Variants in NDUFAF2 observed in about 807,000 individuals in gnomAD.
The protein encoded by NDUFAF2 is NADH:ubiquinone oxidoreductase complex assembly factor 2.
In NDUFAF2, 13 loss-of-function variants were observed where a neutral mutation model predicts 22.8. That is an observed-to-expected ratio of 0.57 (90% confidence interval 0.37 to 0.91). The LOEUF (loss-of-function observed/expected upper bound fraction) is 0.91, where lower values mean the gene tolerates loss of function less well. Ranked by LOEUF, NDUFAF2 falls within the 40% of genes least tolerant of loss-of-function variation. The probability of loss-of-function intolerance (pLI) is 0.01; values close to 1 mark genes in which losing one functional copy is unlikely to be tolerated. For synonymous variants in NDUFAF2, 53 were observed against 64.2 expected, an observed-to-expected ratio of 0.83 and a Z score of 0.84; for missense variants, 162 against 195.2, an observed-to-expected ratio of 0.83 and a Z score of 1.01.
chr5:60,988,358 A>G (rs1272390112), intron 1 of NDUFAF2, among the ~76,000 whole-genome samples: 1 of 152,186 alleles, frequency 6.6e-6, no homozygotes, highest in African/African-American at 2.4e-5. Flanking sequence ...ATACTCCTCA[A>G]CACAATTTGC....
chr5:61,134,641 G>A (rs1184765095), intron 3 of NDUFAF2, among the ~76,000 whole-genome samples: 2 of 152,134 alleles, frequency 1.3e-5, no homozygotes, highest in East Asian at 1.9e-4. Context: ...AGCTGAGATC[G>A]TGCCACTGCA....
intron 1 of NDUFAF2, among the ~76,000 whole-genome samples, chr5:60,988,708 G>T (rs1580082281): frequency 6.6e-6 from 1 of 152,262 alleles, no homozygotes; most frequent in East Asian, 1.9e-4. Context: ...AAATGATGCT[G>T]GGATAACTGG....
chr5:61,047,236 T>TA (rs2111692363), intron 1 of NDUFAF2, among the ~76,000 whole-genome samples: 1 of 152,268 alleles, frequency 6.6e-6, no homozygotes, highest in Admixed American at 6.5e-5. Flanking sequence ...AAGTTCCAGA[T>TA]ACTATTCTTG....
chr5:60,957,011 A>T (rs1267872204), intron 1 of NDUFAF2, among the ~76,000 whole-genome samples: 2 of 152,150 alleles, frequency 1.3e-5, no homozygotes, highest in African/African-American at 4.8e-5. Context: ...AAAGTTGATA[A>T]TTTAAAATTG....
intron 1 of NDUFAF2, among the ~76,000 whole-genome samples, chr5:61,019,461 A>G (rs1330694576): frequency 6.6e-6 from 1 of 152,038 alleles, no homozygotes; most frequent in Non-Finnish European, 1.5e-5. Flanking sequence ...ATACTAAACT[A>G]CAACTCTTTT....
intron 1 of NDUFAF2, among the ~76,000 whole-genome samples, chr5:61,027,153 A>G (rs1391194842): frequency 6.6e-6 from 1 of 151,826 alleles, no homozygotes; most frequent in Non-Finnish European, 1.5e-5. Flanking sequence ...CACATACTCA[A>G]TTAAGAGTTT....
At chr5:60,994,160 A>G (rs1751198097) in intron 1 of NDUFAF2, among the ~76,000 whole-genome samples, 1 of 152,232 alleles carries the variant, frequency 6.6e-6, no homozygotes, top group South Asian at 2.1e-4. Context: ...CAGCTAGGCT[A>G]TGACAGTGCC....
chr5:60,945,470 C>T, intron 1 of NDUFAF2, 88 bp downstream of exon 1: 2 of 1,560,190 alleles, frequency 1.3e-6, no homozygotes, highest in Non-Finnish European at 1.8e-6. Context: ...AGTCAACTAA[C>T]GCATCATGCG....
At chr5:61,134,247 T>C (rs1753147417) in intron 3 of NDUFAF2, among the ~76,000 whole-genome samples, 1 of 112,208 alleles carries the variant, frequency 8.9e-6, no homozygotes, top group Non-Finnish European at 2.0e-5. Flanking sequence ...AAAGAAAAAA[T>C]GGGAGGATAA....
intron 1 of NDUFAF2, among the ~76,000 whole-genome samples, chr5:61,033,443 C>T (rs1002848795): frequency 1.3e-5 from 2 of 152,014 alleles, no homozygotes; most frequent in African/African-American, 4.8e-5. Flanking sequence ...TACATATCAT[C>T]CCTCATGGTA....
chr5:61,024,566 T>C (rs934231814), intron 1 of NDUFAF2, among the ~76,000 whole-genome samples: 3 of 152,160 alleles, frequency 2.0e-5, no homozygotes, highest in African/African-American at 7.2e-5. Flanking sequence ...ATTATCACTG[T>C]TTTACTGTTG....
intron 1 of NDUFAF2, among the ~76,000 whole-genome samples, chr5:61,028,471 A>C (rs1481052414): frequency 6.6e-6 from 1 of 152,142 alleles, no homozygotes; most frequent in Non-Finnish European, 1.5e-5. Context: ...TACCTTCTTC[A>C]ACACTTGCAT....
intron 1 of NDUFAF2, among the ~76,000 whole-genome samples, chr5:60,980,529 TG>T (rs1247945040): frequency 6.6e-6 from 1 of 152,090 alleles, no homozygotes; most frequent in African/African-American, 2.4e-5. Context: ...CCCAGCACTT[TG>T]GGAGGCTAAG....
intron 3 of NDUFAF2, among the ~76,000 whole-genome samples, chr5:61,122,863 C>G (rs1752992914): frequency 6.6e-6 from 1 of 152,162 alleles, no homozygotes; most frequent in Non-Finnish European, 1.5e-5. Flanking sequence ...CTCATTACAG[C>G]TCTACAGAAT....
At chr5:61,109,563 T>A (rs1249303791) in intron 3 of NDUFAF2, among the ~76,000 whole-genome samples, 7 of 152,172 alleles carry the variant, frequency 4.6e-5, no homozygotes, top group African/African-American at 1.7e-4. Flanking sequence ...GTTTCTCTAT[T>A]CAGTATGGTT....
intron 1 of NDUFAF2, among the ~76,000 whole-genome samples, chr5:60,998,713 A>G (rs998606718): frequency 2.0e-5 from 3 of 151,932 alleles, no homozygotes; most frequent in African/African-American, 4.8e-5. Context: ...TTCTCCTTCC[A>G]ACAGTATTCC....
At chr5:61,135,732 A>G (rs922784262) in intron 3 of NDUFAF2, among the ~76,000 whole-genome samples, 2 of 152,066 alleles carry the variant, frequency 1.3e-5, no homozygotes, top group Non-Finnish European at 1.5e-5. Flanking sequence ...ATACAAGGGT[A>G]AAGAAACATG....
chr5:61,067,309 C>A (rs533324562), intron 1 of NDUFAF2, among the ~76,000 whole-genome samples: 1 of 146,790 alleles, frequency 6.8e-6, no homozygotes, highest in African/African-American at 2.5e-5. Flanking sequence ...TCCCTCCCCC[C>A]TCCCCCTACC....
At chr5:61,099,841 C>T (rs1174992893) in intron 3 of NDUFAF2, among the ~76,000 whole-genome samples, 1 of 152,092 alleles carries the variant, frequency 6.6e-6, no homozygotes, top group Non-Finnish European at 1.5e-5. Context: ...GTCACTACTA[C>T]AAGCCCTGAT....
Sources: allele counts gnomAD v4.1 joint callset (sites outside exome capture counted in the v4.1 genomes callset), GRCh38; gene constraint gnomAD v4.1.1; transcripts MANE v1.5; gene names NCBI Gene and HGNC (gene_info 2026-07-23, HGNC 2026-07-21).